The following UNC5D variants were observed in gnomAD, a reference collection of about 807,000 sequenced individuals.
The protein encoded by UNC5D is netrin receptor UNC5D.
A neutral mutation model predicts 105.4 loss-of-function variants in UNC5D; 39 were observed. The observed-to-expected ratio is 0.37, with a 90% CI of 0.29 to 0.48. UNC5D has a LOEUF of 0.48. Among genes scored for constraint, UNC5D ranks in the 20% least tolerant of loss-of-function variants. The pLI is 0.98. For synonymous variants in UNC5D, 452 were observed against 450.4 expected, an observed-to-expected ratio of 1.00 and a Z score of -0.04; for missense variants, 991 against 1,202.4, an observed-to-expected ratio of 0.82 and a Z score of 2.60.
chr8:35,781,002 T>C (rs1802478108), intron 16 of UNC5D, among the ~76,000 whole-genome samples: 1 of 152,228 alleles, frequency 6.6e-6, no homozygotes, highest in Non-Finnish European at 1.5e-5. Flanking sequence ...AGAAACCAGA[T>C]GACTCTTCTA....
At chr8:35,351,222 T>G (rs28493480) in intron 1 of UNC5D, among the ~76,000 whole-genome samples, 7,909 of 152,104 alleles carry the variant, frequency 0.052, 238 homozygotes, top group African/African-American at 0.084. Context: ...GACTCACTTT[T>G]TTTTCCCCCA....
chr8:35,468,927 G>A (rs918182614), intron 1 of UNC5D, among the ~76,000 whole-genome samples: 2 of 152,182 alleles, frequency 1.3e-5, no homozygotes, highest in East Asian at 1.9e-4. Context: ...GGAAACAAGA[G>A]AGCCCTTGCT....
intron 4 of UNC5D, among the ~76,000 whole-genome samples, chr8:35,654,811 A>T (rs893068949): frequency 2.0e-5 from 3 of 152,144 alleles, no homozygotes; most frequent in Non-Finnish European, 4.4e-5. Context: ...TTCAGTTAAT[A>T]TACTAGGTCA....
At chr8:35,434,241 T>C (rs1427912715) in intron 1 of UNC5D, among the ~76,000 whole-genome samples, 1 of 152,026 alleles carries the variant, frequency 6.6e-6, no homozygotes, top group Admixed American at 6.6e-5. Context: ...ATGTATAAAA[T>C]TGAAATATGG....
chr8:35,697,152 C>G (rs1220137507), intron 7 of UNC5D, among the ~76,000 whole-genome samples: 1 of 151,786 alleles, frequency 6.6e-6, no homozygotes, highest in Non-Finnish European at 1.5e-5. Context: ...CACACACACA[C>G]ACACACACAA....
At chr8:35,779,928 C>T (rs775687557) in intron 16 of UNC5D, among the ~76,000 whole-genome samples, 1 of 152,150 alleles carries the variant, frequency 6.6e-6, no homozygotes, top group Non-Finnish European at 1.5e-5. Context: ...TTAGATCATT[C>T]TTCTGTGATG....
Position 35,788,940 on chromosome 8 carries a change from C to T in UNC5D, c.2658-1419C>T, listed in dbSNP as rs545981178. Among the ~76,000 whole-genome samples the T allele has an allele frequency of 2.0e-5, 3 of 151,166 alleles. No individual in the cohort carries two copies. In the South Asian group the frequency reaches 6.3e-4, roughly 32 times the overall value. The stretch of plus-strand genomic sequence containing the variant: ...TGTTCGTTCTTCCTCTTTCTTGCCC[C>T]TTGTAGTAGAGAGGTATCAATGAGC... On this transcript the variant is annotated intron_variant, in intron 16 of 16. Coordinates refer to ENST00000404895, the MANE Select transcript of UNC5D (RefSeq NM_080872.4).
chr8:35,740,202 C>T (rs1253635719), intron 11 of UNC5D, among the ~76,000 whole-genome samples: 3 of 152,140 alleles, frequency 2.0e-5, no homozygotes, highest in African/African-American at 7.2e-5. Context: ...GTTCCTAGAA[C>T]CTGTGAATTG....
In UNC5D at chr8:35,470,671, A is replaced by T. The variant is rs149845910; in HGVS notation, c.104-78621A>T. ...CTTTAGGCCCATACTTGGGAGGTTG[A>T]GGTGGGAGGATCACTTGAGCCCAGG... is the stretch of plus-strand genomic sequence containing the variant. On this transcript the variant is annotated intron_variant, in intron 1 of 16. Transcript: ENST00000404895. Among the ~76,000 whole-genome samples, 608 of 150,428 alleles carry T rather than the reference A, an allele frequency of 4.0e-3. 9 individuals carry two copies. Among genetic ancestry groups the T allele is most frequent in the African/African-American group, 0.014 (574 of 40,964 alleles).
At chr8:35,695,442 T>C (rs1826694054) in intron 7 of UNC5D, among the ~76,000 whole-genome samples, 2 of 152,112 alleles carry the variant, frequency 1.3e-5, no homozygotes, top group Non-Finnish European at 2.9e-5. Context: ...GGGGGATCAC[T>C]TGAGGCCTAT....
chr8:35,636,007 G>A (rs1470791272), intron 4 of UNC5D, among the ~76,000 whole-genome samples: 2 of 152,156 alleles, frequency 1.3e-5, no homozygotes, highest in Non-Finnish European at 2.9e-5. Context: ...AATCTCGGGA[G>A]ATCTTATTTT....
intron 2 of UNC5D, among the ~76,000 whole-genome samples, chr8:35,561,251 G>A (rs1368571448): frequency 1.3e-5 from 2 of 152,092 alleles, no homozygotes; most frequent in Admixed American, 6.5e-5. Flanking sequence ...CTAGGTACCA[G>A]ACAACTCGGG....
chr8:35,604,459 C>T (rs1252963527), intron 4 of UNC5D, among the ~76,000 whole-genome samples: 2 of 152,188 alleles, frequency 1.3e-5, no homozygotes, highest in African/African-American at 2.4e-5. Context: ...CGACCTTTCT[C>T]TCTGGCTGCC....
At position 35,610,535 on chromosome 8, in the gene UNC5D, G is replaced by T. The variant is rs61104196; in HGVS notation, c.570+14878G>T. Among the ~76,000 whole-genome samples the T allele has an allele frequency of 4.8e-4, 73 of 152,314 alleles. 1 individual carries two copies. The East Asian group carries it at 0.014, about 29-fold the overall frequency. On this transcript the variant is annotated intron_variant, in intron 4 of 16. Coordinates refer to ENST00000404895, the MANE Select transcript of UNC5D (RefSeq NM_080872.4). ...AGGCCGAGGGGGACAAGGAGCCTGGGACAGGACATCACTCTGTCCTTCGAA... is the reference window on the plus strand; with the variant it reads ...AGGCCGAGGGGGACAAGGAGCCTGGTACAGGACATCACTCTGTCCTTCGAA...
chr8:35,365,516 C>T (rs781264272), intron 1 of UNC5D, among the ~76,000 whole-genome samples: 1 of 135,710 alleles, frequency 7.4e-6, no homozygotes, highest in African/African-American at 2.7e-5. Flanking sequence ...CCACACAGTT[C>T]TTTCCCTACC....
At chr8:35,470,767 A>AAAAT (rs201455725) in intron 1 of UNC5D, among the ~76,000 whole-genome samples, 2,614 of 139,252 alleles carry the variant, frequency 0.019, 30 homozygotes, top group South Asian at 0.037. Context: ...AGACTTTCTC[A>AAAAT]AAATAAATAA....
chr8:35,658,064 G>A (rs1034213436), intron 4 of UNC5D, among the ~76,000 whole-genome samples: 2 of 152,128 alleles, frequency 1.3e-5, no homozygotes, highest in African/African-American at 2.4e-5. Flanking sequence ...ACTAACAGAT[G>A]TATTTTTAAT....
intron 1 of UNC5D, among the ~76,000 whole-genome samples, chr8:35,341,648 A>T (rs907920349): frequency 6.6e-6 from 1 of 152,114 alleles, no homozygotes; most frequent in African/African-American, 2.4e-5. Flanking sequence ...AATCATGTAA[A>T]TTAGGCAGAA....
chr8:35,426,927 G>T (rs547283618), intron 1 of UNC5D, among the ~76,000 whole-genome samples: 5 of 152,212 alleles, frequency 3.3e-5, no homozygotes, highest in Non-Finnish European at 7.4e-5. Context: ...AAAAGCCATG[G>T]TATTATTTAA....
Sources: gnomAD v4.1 joint callset for allele counts (sites outside exome capture counted in the v4.1 genomes callset) on GRCh38, gnomAD v4.1.1 for gene constraint, MANE v1.5 for transcripts, NCBI Gene and HGNC (gene_info 2026-07-23, HGNC 2026-07-21) for gene names.